The following EDIL3 variants were observed in gnomAD, a reference collection of about 807,000 sequenced individuals.
EDIL3 encodes EGF like and discoidin domains 3.
In EDIL3, 37 loss-of-function variants were observed where a neutral mutation model predicts 67.4. That is an observed-to-expected ratio of 0.55 (90% CI 0.42 to 0.72). EDIL3 has a LOEUF of 0.72. Among genes scored for constraint, EDIL3 ranks in the 30% least tolerant of loss-of-function variants. The pLI is 0.00. For synonymous variants in EDIL3, 195 were observed against 196.3 expected (o/e 0.99, Z 0.05); for missense variants, 527 against 586.3 (o/e 0.90, Z 1.04).
intron 6 of EDIL3, among the ~76,000 whole-genome samples, chr5:84,076,333 C>T (rs1179571188): frequency 6.6e-6 from 1 of 152,014 alleles, no homozygotes; most frequent in Non-Finnish European, 1.5e-5. Flanking sequence ...TGATACCATA[C>T]CAAAACTTGA....
At chr5:84,042,202 T>A (rs1376059314) in intron 9 of EDIL3, among the ~76,000 whole-genome samples, 1 of 152,134 alleles carries the variant, frequency 6.6e-6, no homozygotes, top group Non-Finnish European at 1.5e-5. Flanking sequence ...TAAATATCAC[T>A]TTGCTTTTTT....
chr5:84,194,581 T>C (rs1743660875), intron 3 of EDIL3, among the ~76,000 whole-genome samples: 1 of 151,996 alleles, frequency 6.6e-6, no homozygotes, highest in Non-Finnish European at 1.5e-5. Flanking sequence ...TAACAATTTA[T>C]TATAATTGCA....
At chr5:84,262,092 C>T (rs1253809406) in intron 1 of EDIL3, among the ~76,000 whole-genome samples, 1 of 152,004 alleles carries the variant, frequency 6.6e-6, no homozygotes, top group East Asian at 1.9e-4. Context: ...CTGGAAAGTC[C>T]CTTAAAAGAA....
At chr5:84,223,726 G>A (rs1744395260) in intron 3 of EDIL3, among the ~76,000 whole-genome samples, 1 of 151,270 alleles carries the variant, frequency 6.6e-6, no homozygotes, top group African/African-American at 2.4e-5. Context: ...CAATAATATT[G>A]TATTACGTAA....
rs560059284 is a variant in EDIL3 at position 84,117,091 on chromosome 5, A to G, written c.470-10261T>C. ...GGCCCAGGCGGGAGTGCAGTGGCGC[A>G]ATCTCGGCTCACTGCAAGCTCCGCC... On this transcript the variant is annotated intron_variant, in intron 5 of 10. Coordinates refer to ENST00000296591, the MANE Select transcript of EDIL3 (RefSeq NM_005711.5). 1.4e-3 allele frequency among the ~76,000 whole-genome samples: 183 copies of G among 128,710 alleles called. 1 individual carries two copies. Among genetic ancestry groups the G allele is most frequent in the African/African-American group, 4.8e-3 (158 of 33,098 alleles). The allele number at this position is 128,710 out of a possible 152,430, so 84.4% of individuals were successfully genotyped here.
intron 4 of EDIL3, among the ~76,000 whole-genome samples, chr5:84,153,839 T>C (rs2112332508): frequency 6.6e-6 from 1 of 152,342 alleles, no homozygotes. Flanking sequence ...TCCAGTGAAC[T>C]ACAGCTACAG....
At chr5:84,382,012 C>G (rs1414315635) in intron 1 of EDIL3, among the ~76,000 whole-genome samples, 9 of 152,164 alleles carry the variant, frequency 5.9e-5, no homozygotes. Flanking sequence ...TTAGCACTGG[C>G]TTCAATAAGT....
intron 3 of EDIL3, among the ~76,000 whole-genome samples, chr5:84,202,576 G>C: frequency 6.6e-6 from 1 of 152,142 alleles, no homozygotes; most frequent in East Asian, 1.9e-4. Context: ...CTAAAGAAAA[G>C]AGTGGAAATA....
At chr5:84,190,346 G>A (rs1743553673) in intron 3 of EDIL3, among the ~76,000 whole-genome samples, 1 of 151,748 alleles carries the variant, frequency 6.6e-6, no homozygotes, top group Non-Finnish European at 1.5e-5. Context: ...TTTTTAAGAA[G>A]TATATCTGTC....
chr5:84,294,966 A>G (rs1177940810), intron 1 of EDIL3, among the ~76,000 whole-genome samples: 3 of 152,174 alleles, frequency 2.0e-5, no homozygotes, highest in African/African-American at 7.2e-5. Context: ...TGCAATATAC[A>G]TTACAGTATA....
chr5:84,289,658 C>T (rs1451280438), intron 1 of EDIL3, among the ~76,000 whole-genome samples: 1 of 152,164 alleles, frequency 6.6e-6, no homozygotes, highest in Non-Finnish European at 1.5e-5. Context: ...CCGTCAACAA[C>T]TGAGATGACT....
intron 1 of EDIL3, among the ~76,000 whole-genome samples, chr5:84,273,099 C>A (rs1404018454): frequency 6.6e-6 from 1 of 152,030 alleles, no homozygotes; most frequent in Non-Finnish European, 1.5e-5. Context: ...ATTACAGATT[C>A]ACATCCAAAC....
At chr5:84,003,893 C>T (rs764391847) in intron 9 of EDIL3, among the ~76,000 whole-genome samples, 14 of 151,548 alleles carry the variant, frequency 9.2e-5, no homozygotes, top group East Asian at 3.9e-4. Context: ...TGGATAAAGG[C>T]GAGGACCCAA....
chr5:84,025,305 C>T (rs560155184), intron 9 of EDIL3, among the ~76,000 whole-genome samples: 2 of 151,926 alleles, frequency 1.3e-5, no homozygotes, highest in Non-Finnish European at 2.9e-5. Context: ...GGCAAGGGAG[C>T]GAAGCTTCAT....
At chr5:84,333,124 A>G (rs1391811704) in intron 1 of EDIL3, among the ~76,000 whole-genome samples, 1 of 152,184 alleles carries the variant, frequency 6.6e-6, no homozygotes, top group African/African-American at 2.4e-5. Flanking sequence ...AAAGATAAGT[A>G]TAATTTTTAG....
intron 3 of EDIL3, among the ~76,000 whole-genome samples, chr5:84,195,889 C>G (rs1743694004): frequency 6.6e-6 from 1 of 151,920 alleles, no homozygotes; most frequent in Non-Finnish European, 1.5e-5. Flanking sequence ...AGAGGGGAAC[C>G]TGGGAAATTT....
intron 4 of EDIL3, among the ~76,000 whole-genome samples, chr5:84,139,549 A>G (rs932123053): frequency 1.3e-5 from 2 of 152,146 alleles, no homozygotes; most frequent in Non-Finnish European, 2.9e-5. Context: ...ATTATGCATG[A>G]CAATAACAAT....
chr5:84,224,472 A>G (rs1201803941), intron 3 of EDIL3, among the ~76,000 whole-genome samples: 1 of 151,528 alleles, frequency 6.6e-6, no homozygotes, highest in Non-Finnish European at 1.5e-5. Flanking sequence ...GGGACATAGA[A>G]ATAAGTATTG....
At chr5:84,294,916 T>C (rs957849310) in intron 1 of EDIL3, among the ~76,000 whole-genome samples, 2 of 152,132 alleles carry the variant, frequency 1.3e-5, no homozygotes, top group African/African-American at 4.8e-5. Context: ...ACAACTACAC[T>C]TGAAACAATA....
Sources: allele counts gnomAD v4.1 joint callset (sites outside exome capture counted in the v4.1 genomes callset), GRCh38; gene constraint gnomAD v4.1.1; transcripts MANE v1.5; gene names NCBI Gene and HGNC (gene_info 2026-07-23, HGNC 2026-07-21).